The following NEDD4L variants were observed in gnomAD, a reference collection of about 807,000 sequenced individuals.
NEDD4L encodes the protein E3 ubiquitin-protein ligase NEDD4-like.
NEDD4L carries 54 observed loss-of-function variants against 148.9 expected under a neutral mutation model. That is an observed-to-expected ratio of 0.36 (90% CI 0.29 to 0.45). The LOEUF (loss-of-function observed/expected upper bound fraction) is 0.45, where lower values mean the gene tolerates loss of function less well. Ranked by LOEUF, NEDD4L falls within the 20% of genes least tolerant of loss-of-function variation. The pLI, the probability that NEDD4L is intolerant of heterozygous loss-of-function variation, is 1.00. For missense variants in NEDD4L, 856 were observed against 1,233.8 expected, an observed-to-expected ratio of 0.69 and a Z score of 4.59; for synonymous variants, 433 against 440.7, an observed-to-expected ratio of 0.98 and a Z score of 0.22.
chr18:58,319,197 G>A (rs2058555441), intron 6 of NEDD4L, among the ~76,000 whole-genome samples: 1 of 152,204 alleles, frequency 6.6e-6, no homozygotes, highest in African/African-American at 2.4e-5. Flanking sequence ...AGGTGAAAAA[G>A]CCTGGGCCCA....
chr18:58,269,911 C>A (rs1331415086), intron 5 of NEDD4L, among the ~76,000 whole-genome samples: 1 of 152,080 alleles, frequency 6.6e-6, no homozygotes, highest in Non-Finnish European at 1.5e-5. Context: ...TTGTAAAATA[C>A]CTATGCATTA....
In NEDD4L at chr18:58,082,102, A is replaced by ATATT; in HGVS notation, c.48+37395_48+37396insATTT. On this transcript the variant is annotated intron_variant, in intron 1 of 30. Coordinates refer to ENST00000400345, the MANE Select transcript of NEDD4L (RefSeq NM_001144967.3). ...TGAATATATATATATATATATATAT[A>ATATT]TTTTTTTTTTTTTTTTTTTCTTGAG... is the stretch of plus-strand genomic sequence containing the variant. Among the ~76,000 whole-genome samples, 99 of 48,814 alleles carry ATATT rather than the reference A, an allele frequency of 2.0e-3. 1 individual carries two copies. The highest frequency in any genetic ancestry group is 4.0e-3 in the South Asian group (4 of 996). 32.0% of individuals were successfully genotyped at this position (48,814 alleles called of 152,430 possible).
intron 1 of NEDD4L, among the ~76,000 whole-genome samples, chr18:58,106,531 A>T (rs2145586336): frequency 6.6e-6 from 1 of 152,088 alleles, no homozygotes; most frequent in Admixed American, 6.5e-5. Flanking sequence ...CGGTTCCCAT[A>T]CTTCTCAGAT....
chr18:58,342,331 A>G (rs1358519741), intron 15 of NEDD4L, among the ~76,000 whole-genome samples: 4 of 152,152 alleles, frequency 2.6e-5, no homozygotes, highest in African/African-American at 9.7e-5. Flanking sequence ...TAACATCACA[A>G]ATGTCAGAGT....
intron 5 of NEDD4L, 120 bp from the exon 6 acceptor site, chr18:58,315,862 C>A: frequency 1.1e-6 from 1 of 900,008 alleles, no homozygotes; most frequent in Non-Finnish European, 1.9e-6. Flanking sequence ...GGCCTTCCGC[C>A]CTCCACATTC....
chr18:58,211,987 A>G (rs1303914251), intron 2 of NEDD4L, among the ~76,000 whole-genome samples: 1 of 152,224 alleles, frequency 6.6e-6, no homozygotes, highest in Non-Finnish European at 1.5e-5. Flanking sequence ...GAATCTTCAA[A>G]CACTTAAATG....
intron 2 of NEDD4L, among the ~76,000 whole-genome samples, chr18:58,236,734 T>A (rs2046072294): frequency 1.3e-5 from 2 of 152,056 alleles, no homozygotes; most frequent in Admixed American, 1.3e-4. Flanking sequence ...CCTTAAATAA[T>A]TGTCATTGGC....
chr18:58,176,811 C>T (rs2038212473), intron 2 of NEDD4L, among the ~76,000 whole-genome samples: 1 of 152,180 alleles, frequency 6.6e-6, no homozygotes, highest in South Asian at 2.1e-4. Context: ...AGACTTCTTG[C>T]CCTCGTTTTC....
intron 1 of NEDD4L, among the ~76,000 whole-genome samples, chr18:58,131,207 C>T (rs955882319): frequency 1.7e-4 from 23 of 137,868 alleles, no homozygotes; most frequent in East Asian, 4.5e-4. Context: ...TGTGATCTAG[C>T]GGAACTGTGG....
intron 28 of NEDD4L, 55 bp downstream of exon 28, chr18:58,389,247 G>A: frequency 1.6e-6 from 2 of 1,274,490 alleles, no homozygotes; most frequent in Non-Finnish European, 2.3e-6. Context: ...AGGATTGAGG[G>A]CTGTGTGGCG....
chr18:58,116,834 G>A (rs868525234), intron 1 of NEDD4L, among the ~76,000 whole-genome samples: 15 of 152,374 alleles, frequency 9.8e-5, no homozygotes, highest in African/African-American at 3.4e-4. Context: ...CCATCCTTTG[G>A]ACTGATCTCC....
At chr18:58,194,071 C>T (rs1416647271) in intron 2 of NEDD4L, 1 of 152,242 alleles carries the variant, frequency 6.6e-6, no homozygotes. Flanking sequence ...TCGTTAGTGG[C>T]CTGATTACGA....
chr18:58,064,239 C>G (rs984490947), intron 1 of NEDD4L, among the ~76,000 whole-genome samples: 1 of 152,186 alleles, frequency 6.6e-6, no homozygotes. Flanking sequence ...GCTGGGATTA[C>G]AGGCGTGAGC....
intron 4 of NEDD4L, among the ~76,000 whole-genome samples, chr18:58,249,641 G>A (rs563334659): frequency 1.3e-5 from 2 of 152,312 alleles, no homozygotes; most frequent in South Asian, 2.1e-4. Context: ...TATCTTAATT[G>A]TATAGCTGTG....
At chr18:58,056,629 A>G (rs1280621330) in intron 1 of NEDD4L, among the ~76,000 whole-genome samples, 4 of 152,078 alleles carry the variant, frequency 2.6e-5, no homozygotes, top group Non-Finnish European at 5.9e-5. Flanking sequence ...AGCCCAAGCA[A>G]GAGTGCAGTG....
At chr18:58,211,949 C>T (rs950559207) in intron 2 of NEDD4L, among the ~76,000 whole-genome samples, 1 of 152,112 alleles carries the variant, frequency 6.6e-6, no homozygotes, top group African/African-American at 2.4e-5. Flanking sequence ...AGACCTCTAT[C>T]TAATATCATA....
intron 5 of NEDD4L, among the ~76,000 whole-genome samples, chr18:58,262,960 C>T (rs895928310): frequency 6.6e-6 from 1 of 152,146 alleles, no homozygotes; most frequent in Non-Finnish European, 1.5e-5. Context: ...TTTCAAGAAG[C>T]CTGTTTTTTA....
intron 2 of NEDD4L, among the ~76,000 whole-genome samples, chr18:58,206,963 C>T (rs2042045878): frequency 6.6e-6 from 1 of 152,194 alleles, no homozygotes; most frequent in African/African-American, 2.4e-5. Flanking sequence ...CCATCCTGTG[C>T]ACAAGGAAAA....
At chr18:58,271,392 A>G (rs975662516) in intron 5 of NEDD4L, among the ~76,000 whole-genome samples, 2 of 152,282 alleles carry the variant, frequency 1.3e-5, no homozygotes, top group South Asian at 4.2e-4. Context: ...AGTTAGAAGG[A>G]CTTTGAAGGT....
Sources: allele counts gnomAD v4.1 joint callset (sites outside exome capture counted in the v4.1 genomes callset), GRCh38; gene constraint gnomAD v4.1.1; transcripts MANE v1.5; gene names NCBI Gene and HGNC (gene_info 2026-07-23, HGNC 2026-07-21).